Variants in ENPP3 observed in about 807,000 individuals in gnomAD.
ENPP3 encodes the protein ectonucleotide pyrophosphatase/phosphodiesterase 3.
Under a neutral mutation model 117.8 loss-of-function variants are expected in ENPP3, and 104 were observed. That is an observed-to-expected ratio of 0.88 (90% CI 0.75 to 1.04). ENPP3 has a LOEUF of 1.04. ENPP3 is among the 50% of genes least tolerant of loss of function. The pLI is 0.00. For synonymous variants in ENPP3, 380 were observed against 349.9 expected, an observed-to-expected ratio of 1.09 and a Z score of -0.96; for missense variants, 1,026 against 1,051.9, an observed-to-expected ratio of 0.98 and a Z score of 0.34.
rs763208595 is a variant in ENPP3 at position 131,722,392 on chromosome 6, C to G, written c.1733C>G (p.Pro578Arg). The change falls in exon 18 of 25, where the codon CCT becomes CGT. Residue 578 changes from proline to arginine, a missense_variant. Transcript: ENST00000357639. ...LPTESLDCFC[P>R]HLQNSTQLEQ... ...ACAGAGTCTCTTGACTGTTTCTGCC[C>G]TCACCTACAAAATGTAAGTAACAAC... 5.6e-6 allele frequency: 9 copies of G among 1,613,222 alleles called. No homozygotes were observed. The South Asian group carries it at 9.9e-5, about 18-fold the overall frequency.
intron 14 of ENPP3, among the ~76,000 whole-genome samples, chr6:131,692,580 G>T (rs992239599): frequency 3.9e-4 from 59 of 149,368 alleles, no homozygotes; most frequent in African/African-American, 1.4e-3. Context: ...ATGTAATTTA[G>T]ACTCAAAAGT....
At chr6:131,669,722 C>G (rs563623314) in intron 6 of ENPP3, among the ~76,000 whole-genome samples, 21 of 149,308 alleles carry the variant, frequency 1.4e-4, no homozygotes, top group Admixed American at 1.4e-3. Context: ...ACTCCCTTTC[C>G]TTCTCCTACC....
At position 131,652,636 on chromosome 6, in the gene ENPP3, T is replaced by C. The variant is rs765294171; in HGVS notation, c.372T>C (p.Asp124=). 3 of 1,614,068 alleles carry C rather than the reference T, an allele frequency of 1.9e-6. No individual in the cohort carries two copies. The highest frequency in any genetic ancestry group is 1.1e-5 in the South Asian group (1 of 91,066). The change falls in exon 4 of 25, where the codon GAT becomes GAC. Residue 124 remains aspartate (D), a synonymous_variant. Coordinates refer to ENST00000357639, the MANE Select transcript of ENPP3 (RefSeq NM_005021.5). The part of the protein sequence containing the change: ...SCSDDCLQRK[D]CCADYKSVCQ... ...CAGATGACTGTTTGCAGAGGAAAGA[T>C]TGCTGTGCTGACTATAAGAGTGTTT...
chr6:131,700,477 C>T lies in ENPP3; in HGVS notation c.1412+6853C>T. On this transcript the variant is annotated intron_variant, in intron 15 of 24. Coordinates refer to ENST00000357639, the MANE Select transcript of ENPP3 (RefSeq NM_005021.5). Reference sequence around the variant, plus strand: ...CAATGCCATAATCCTTTTCATAAAGCCCTTTCTACTCCCAGCACTCTCTTC... The same window carrying T: ...CAATGCCATAATCCTTTTCATAAAGTCCTTTCTACTCCCAGCACTCTCTTC... The T allele has an allele frequency of 1.8e-6, 2 of 1,085,110 alleles. 1 individual carries two copies. Among genetic ancestry groups the T allele is most frequent in the Non-Finnish European group, 2.5e-6 (2 of 795,714 alleles). 67.2% of individuals were successfully genotyped at this position (1,085,110 alleles called of 1,614,324 possible).
chr6:131,676,778 G>C lies in ENPP3; in HGVS notation c.915G>C (p.Trp305Cys). 3.1e-6 allele frequency: 5 copies of C among 1,611,148 alleles called. No individual in the cohort carries two copies. The highest frequency in any genetic ancestry group is 3.4e-6 in the Non-Finnish European group (4 of 1,177,536). The change falls in exon 10 of 25, where the codon TGG becomes TGC. Residue 305 changes from tryptophan (W) to cysteine (C), a missense_variant. By Grantham distance (215) the Trp-to-Cys change is radical. Transcript: ENST00000357639. ...AGAGGATTTCTACACTGTTAAAATGGCTGGACCTGCCCAAAGCTGAAAGGT... is the reference window on the plus strand; with the variant it reads ...AGAGGATTTCTACACTGTTAAAATGCCTGGACCTGCCCAAAGCTGAAAGGT... ...FEERISTLLK[W>C]LDLPKAERPR...
intron 13 of ENPP3, 104 bp downstream of exon 13, chr6:131,685,599 A>T: frequency 4.5e-6 from 5 of 1,109,220 alleles, no homozygotes; most frequent in Non-Finnish European, 6.6e-6. Context: ...CCCTCTACTG[A>T]CTTCTTGAGA....
intron 6 of ENPP3, among the ~76,000 whole-genome samples, chr6:131,662,633 G>T (rs1334748226): frequency 1.3e-5 from 2 of 152,172 alleles, no homozygotes. Flanking sequence ...TTGAAATCAG[G>T]AGCTTTGATG....
chr6:131,671,254 G>A lies in ENPP3; in HGVS notation c.569G>A (p.Cys190Tyr), dbSNP rs1778734068. 6.3e-7 allele frequency: 1 copy of A among 1,582,146 alleles called. No homozygotes were observed. The highest frequency in any genetic ancestry group is 1.3e-5 in the African/African-American group (1 of 74,440). ...TCACCATATTCTGTTGCAGAAACAT[G>A]TGGAATTCATTCAAAATACATGAGA... ...LMPNINKLKTCGIHSKYMRAM... is the reference protein window; with the variant it reads ...LMPNINKLKTYGIHSKYMRAM... The change falls in exon 7 of 25, where the codon TGT becomes TAT. Residue 190 changes from cysteine to tyrosine, a missense_variant. Cys to Tyr is a radical substitution (Grantham distance 194, BLOSUM62 -2). Coordinates refer to ENST00000357639, the MANE Select transcript of ENPP3 (RefSeq NM_005021.5).
At chr6:131,653,521 A>G (rs1294569149) in intron 5 of ENPP3, among the ~76,000 whole-genome samples, 1 of 152,132 alleles carries the variant, frequency 6.6e-6, no homozygotes, top group African/African-American at 2.4e-5. Flanking sequence ...TCAGGATTGA[A>G]ACTTAGCTTG....
Position 131,718,673 on chromosome 6 carries a change from A to C in ENPP3, c.1414A>C (p.Ser472Arg), listed in dbSNP as rs745341742. The C allele has an allele frequency of 1.2e-5, 18 of 1,559,210 alleles. No homozygotes were observed. ...TGTAATAATATTTTTTCTTTATAGGAGTAAATCAAATACAAATTGTGGAGG... is the reference window on the plus strand; with the variant it reads ...TGTAATAATATTTTTTCTTTATAGGCGTAAATCAAATACAAATTGTGGAGG... ...FVDQQWLAVR[S>R]KSNTNCGGGN... The change falls in exon 16 of 25, where the codon AGT (serine) becomes CGT (arginine). Residue 472 changes from serine to arginine, a missense_variant and splice_region_variant. Physicochemically the swap from Ser to Arg is moderately radical, Grantham distance 110. Coordinates refer to ENST00000357639, the MANE Select transcript of ENPP3 (RefSeq NM_005021.5).
At chr6:131,718,820 A>T in intron 16 of ENPP3, 82 bp downstream of exon 16, 2 of 758,998 alleles carry the variant, frequency 2.6e-6, no homozygotes, top group Admixed American at 4.6e-5. Flanking sequence ...TACATAGGTA[A>T]ACATCTGTCA....
chr6:131,683,054 G>C lies in ENPP3; in HGVS notation c.1012G>C (p.Val338Leu). Residue 338 changes from valine to leucine, a missense_variant and splice_region_variant, in exon 12 of 25, where the codon GTA (valine) becomes CTA (leucine). By Grantham distance (32) the Val-to-Leu change is conservative. Coordinates refer to ENST00000357639, the MANE Select transcript of ENPP3 (RefSeq NM_005021.5). ...GHAGGPVSAR[V>L]IKALQVVDHA... ...ATCTTAACTCCAAATTATTTTTCAG[G>C]TAATTAAAGCCTTACAGGTAGTAGA... 1 of 1,579,274 alleles carries C rather than the reference G, an allele frequency of 6.3e-7. No homozygotes were observed. The highest frequency in any genetic ancestry group is 8.7e-7 in the Non-Finnish European group (1 of 1,149,360).
intron 14 of ENPP3, among the ~76,000 whole-genome samples, chr6:131,692,119 A>C (rs539348140): frequency 1.1e-3 from 168 of 152,196 alleles, no homozygotes; most frequent in Admixed American, 1.2e-3. Context: ...AGTGACACAC[A>C]CTTGTTAATA....
At chr6:131,638,158 C>T (rs1405098240) in intron 1 of ENPP3, among the ~76,000 whole-genome samples, 2 of 152,090 alleles carry the variant, frequency 1.3e-5, no homozygotes, top group Non-Finnish European at 2.9e-5. Context: ...TTCTACTGTA[C>T]TGAGTCCCTG....
rs1778038389 is a variant in ENPP3, at chr6:131,641,455, G to T, written c.79G>T (p.Val27Phe). The change falls in exon 2 of 25, where the codon GTT (valine) becomes TTT (phenylalanine). Residue 27 changes from valine to phenylalanine, a missense_variant and splice_region_variant. Transcript: ENST00000357639. ...AGTTACTTTTTCCTTTTTGCAATAG[G>T]TTCTTCTTGCTTTGCTGGTGATCAT... ...TLKKYKIACIVLLALLVIMSL... is the reference protein window; with the variant it reads ...TLKKYKIACIFLLALLVIMSL... 6.2e-7 allele frequency: 1 copy of T among 1,607,206 alleles called. No homozygotes were observed. The highest frequency in any genetic ancestry group is 8.5e-7 in the Non-Finnish European group (1 of 1,174,724).
intron 15 of ENPP3, among the ~76,000 whole-genome samples, chr6:131,697,034 C>T (rs927443695): frequency 1.1e-4 from 17 of 152,148 alleles, no homozygotes; most frequent in East Asian, 7.7e-4. Context: ...CTCCCAGTGC[C>T]GGGATTACAG....
At chr6:131,658,220 C>T in intron 5 of ENPP3, 103 bp from the exon 6 acceptor site, 1 of 667,198 alleles carries the variant, frequency 1.5e-6, no homozygotes, top group Admixed American at 2.7e-5. Context: ...CAAAAGTTAC[C>T]CAATTATTTT....
chr6:131,716,159 A>C (rs905165503), intron 15 of ENPP3, among the ~76,000 whole-genome samples: 1 of 152,174 alleles, frequency 6.6e-6, no homozygotes, highest in Admixed American at 6.5e-5. Flanking sequence ...ATAATGGAGA[A>C]TTTGTTCCAA....
At chr6:131,662,945 A>G (rs945660080) in intron 6 of ENPP3, among the ~76,000 whole-genome samples, 4 of 152,076 alleles carry the variant, frequency 2.6e-5, no homozygotes, top group South Asian at 2.1e-4. Context: ...ATTATTTTCA[A>G]TGTTTAGAAA....
Sources: allele counts gnomAD v4.1 joint callset (sites outside exome capture counted in the v4.1 genomes callset), GRCh38; gene constraint gnomAD v4.1.1; transcripts MANE v1.5; gene names NCBI Gene and HGNC (gene_info 2026-07-23, HGNC 2026-07-21).